Variants in CSMD3 observed in about 807,000 individuals in gnomAD.
The protein encoded by CSMD3 is CUB and Sushi multiple domains 3, also known as CUB and sushi domain-containing protein 3.
A neutral mutation model predicts 435.2 loss-of-function variants in CSMD3; 177 were observed. That is an observed-to-expected ratio of 0.41 (90% CI 0.36 to 0.46). CSMD3 has a LOEUF of 0.46. Ranked by LOEUF, CSMD3 falls within the 20% of genes least tolerant of loss-of-function variation. The pLI is 0.34. For missense variants in CSMD3, 4,265 were observed against 4,504.6 expected (o/e 0.95, Z 1.52); for synonymous variants, 1,656 against 1,520.5 (o/e 1.09, Z -2.07).
rs7014869 is a variant in CSMD3 at position 112,751,372 on chromosome 8, G to T, written c.1972+48790C>A. On this transcript the variant is annotated intron_variant, in intron 13 of 70. Coordinates refer to ENST00000297405, the MANE Select transcript of CSMD3 (RefSeq NM_198123.2). ...AATGGTGGAGAAAGAGGAGAGGAAAGAACACAAATTAATTGATATATAAAT... is the reference window on the plus strand; with the variant it reads ...AATGGTGGAGAAAGAGGAGAGGAAATAACACAAATTAATTGATATATAAAT... Among the ~76,000 whole-genome samples, 384 of 152,118 alleles carry T rather than the reference G, an allele frequency of 2.5e-3. 1 individual carries two copies. Among genetic ancestry groups the T allele is most frequent in the African/African-American group, 8.9e-3 (370 of 41,516 alleles).
intron 32 of CSMD3, among the ~76,000 whole-genome samples, chr8:112,446,456 A>G (rs1407730094): frequency 6.6e-6 from 1 of 152,230 alleles, no homozygotes; most frequent in Non-Finnish European, 1.5e-5. Context: ...GCAGCCAAGT[A>G]ATTCTTATGA....
intron 3 of CSMD3, among the ~76,000 whole-genome samples, chr8:113,242,432 C>A (rs1028090218): frequency 2.0e-5 from 3 of 151,956 alleles, no homozygotes; most frequent in Non-Finnish European, 2.9e-5. Flanking sequence ...CACACAACTA[C>A]TCACAATAAT....
intron 32 of CSMD3, among the ~76,000 whole-genome samples, chr8:112,426,453 G>A (rs2130346477): frequency 6.6e-6 from 1 of 152,154 alleles, no homozygotes; most frequent in Non-Finnish European, 1.5e-5. Flanking sequence ...GCCACTCTGT[G>A]ACTCTTCTTC....
intron 36 of CSMD3, 102 bp from the exon 37 acceptor site, chr8:112,383,765 C>T: frequency 6.3e-6 from 5 of 791,594 alleles, no homozygotes; most frequent in Non-Finnish European, 1.1e-5. Context: ...AATCCTGAAC[C>T]ACATAATTGT....
At chr8:112,754,240 G>A (rs1193117579) in intron 13 of CSMD3, among the ~76,000 whole-genome samples, 4 of 152,154 alleles carry the variant, frequency 2.6e-5, no homozygotes, top group South Asian at 4.1e-4. Flanking sequence ...CTGTAAGGCC[G>A]GATGTAATCA....
At chr8:112,960,360 A>G (rs2084181951) in intron 7 of CSMD3, among the ~76,000 whole-genome samples, 3 of 151,772 alleles carry the variant, frequency 2.0e-5, no homozygotes, top group Admixed American at 2.0e-4. Context: ...CTCCTTTAAC[A>G]TCTTTCATAT....
intron 35 of CSMD3, among the ~76,000 whole-genome samples, chr8:112,404,962 G>A (rs1338109741): frequency 6.6e-6 from 1 of 151,216 alleles, no homozygotes; most frequent in Non-Finnish European, 1.5e-5. Flanking sequence ...TGGATTACTT[G>A]AGGCTAGGAG....
chr8:112,386,961 T>C (rs1029718285), intron 36 of CSMD3, among the ~76,000 whole-genome samples: 3 of 152,246 alleles, frequency 2.0e-5, no homozygotes, highest in Admixed American at 6.5e-5. Context: ...CATTTTACTT[T>C]AGATTATATA....
chr8:112,466,215 T>C (rs543986734), intron 32 of CSMD3, among the ~76,000 whole-genome samples: 1 of 152,296 alleles, frequency 6.6e-6, no homozygotes, highest in Admixed American at 6.5e-5. Context: ...TTCTTAAGTA[T>C]TCATTCATTA....
chr8:112,506,919 C>T (rs2130933488), intron 28 of CSMD3, 90 bp from the exon 29 acceptor site: 1 of 1,162,088 alleles, frequency 8.6e-7, no homozygotes, highest in Non-Finnish European at 1.3e-6. Flanking sequence ...TCTAAAAGAG[C>T]TTATGAGGCT....
intron 32 of CSMD3, among the ~76,000 whole-genome samples, chr8:112,449,765 C>T (rs1383570562): frequency 1.3e-5 from 2 of 152,206 alleles, no homozygotes; most frequent in Non-Finnish European, 2.9e-5. Flanking sequence ...CATTTGGTTA[C>T]AGGCTGGAGT....
intron 30 of CSMD3, among the ~76,000 whole-genome samples, chr8:112,496,457 A>G (rs961765935): frequency 6.6e-6 from 1 of 152,196 alleles, no homozygotes; most frequent in African/African-American, 2.4e-5. Flanking sequence ...CACTGCTAGT[A>G]TATATCCAAA....
intron 10 of CSMD3, among the ~76,000 whole-genome samples, chr8:112,885,692 T>C (rs1363375174): frequency 6.6e-6 from 1 of 151,842 alleles, no homozygotes; most frequent in Non-Finnish European, 1.5e-5. Context: ...GTTTGTTTAC[T>C]GCTTTATTCT....
At chr8:112,939,803 G>T (rs2083394718) in intron 9 of CSMD3, among the ~76,000 whole-genome samples, 1 of 151,930 alleles carries the variant, frequency 6.6e-6, no homozygotes, top group African/African-American at 2.4e-5. Flanking sequence ...GAAGTGAGAA[G>T]GTAAAGTAGA....
chr8:112,697,649 A>C (rs1209516672), intron 13 of CSMD3, among the ~76,000 whole-genome samples: 1 of 152,080 alleles, frequency 6.6e-6, no homozygotes, highest in Non-Finnish European at 1.5e-5. Context: ...ATGACAAGTT[A>C]ATGGGTGCAG....
intron 5 of CSMD3, among the ~76,000 whole-genome samples, chr8:113,020,942 T>C (rs1279937193): frequency 6.6e-6 from 1 of 152,228 alleles, no homozygotes; most frequent in African/African-American, 2.4e-5. Flanking sequence ...TTTCCTAAGA[T>C]GTGTGGGAGC....
At chr8:113,402,219 G>A (rs2094513553) in intron 1 of CSMD3, among the ~76,000 whole-genome samples, 2 of 130,314 alleles carry the variant, frequency 1.5e-5, no homozygotes, top group Admixed American at 1.4e-4. Flanking sequence ...TCATTTGACA[G>A]CTGTTTTCAT....
intron 11 of CSMD3, among the ~76,000 whole-genome samples, chr8:112,850,793 T>C (rs1327242942): frequency 1.3e-5 from 2 of 152,200 alleles, no homozygotes; most frequent in African/African-American, 4.8e-5. Context: ...ATTTCTATAG[T>C]GTAAATTGTA....
intron 27 of CSMD3, among the ~76,000 whole-genome samples, chr8:112,531,914 TA>T (rs1825576838): frequency 1.3e-5 from 2 of 152,150 alleles, no homozygotes; most frequent in African/African-American, 4.8e-5. Context: ...GTGCCCGAGA[TA>T]TGCAACCTTT....
Sources: allele counts gnomAD v4.1 joint callset (sites outside exome capture counted in the v4.1 genomes callset), GRCh38; gene constraint gnomAD v4.1.1; transcripts MANE v1.5; gene names NCBI Gene and HGNC (gene_info 2026-07-23, HGNC 2026-07-21).